Variants in EBI3 observed in about 807,000 individuals in gnomAD.
EBI3 encodes Epstein-Barr virus induced 3.
A neutral mutation model predicts 21.3 loss-of-function variants in EBI3; 19 were observed. The ratio of observed to expected loss-of-function variants is 0.89; its 90% CI spans 0.62 to 1.31. The LOEUF (loss-of-function observed/expected upper bound fraction) is 1.31, where lower values mean the gene tolerates loss of function less well. Among genes scored for constraint, EBI3 ranks in the 50% most tolerant of loss-of-function variants. The pLI, the probability that EBI3 is intolerant of heterozygous loss-of-function variation, is 0.00. For synonymous variants in EBI3, 154 were observed against 131.2 expected (o/e 1.17, Z -1.19); for missense variants, 331 against 314.0 (o/e 1.05, Z -0.41).
At chr19:4,232,156 G>T (rs549495370) in intron 2 of EBI3, among the ~76,000 whole-genome samples, 44 of 139,894 alleles carry the variant, frequency 3.1e-4, no homozygotes, top group African/African-American at 1.2e-3. Context: ...CCCAGGAGGT[G>T]GACGTTGCAG....
chr19:4,229,837 G>A (rs1455146862), intron 1 of EBI3, among the ~76,000 whole-genome samples: 1 of 152,184 alleles, frequency 6.6e-6, no homozygotes, highest in Non-Finnish European at 1.5e-5. Flanking sequence ...GGGACTGGCA[G>A]TCACAGCTCA....
chr19:4,233,310 G>GAGTGGGGGCGGC lies in EBI3; in HGVS notation c.379+15_379+26dup. 2 of 1,566,124 alleles carry GAGTGGGGGCGGC rather than the reference G, an allele frequency of 1.3e-6. No homozygotes were observed. Among genetic ancestry groups the GAGTGGGGGCGGC allele is most frequent in the South Asian group, 1.1e-5 (1 of 88,554 alleles). Reference sequence around the variant, plus strand: ...GCCTTTCATAACAGAGCACATCAGTGAGTGGGGGCGGCAGTGGGGGCGGGG... The same window carrying GAGTGGGGGCGGC: ...GCCTTTCATAACAGAGCACATCAGTGAGTGGGGGCGGCAGTGGGGGCGGCAGTGGGGGCGGGG... On this transcript the variant is annotated splice_donor_region_variant and intron_variant, in intron 3 of 4. Transcript: ENST00000221847.
intron 2 of EBI3, among the ~76,000 whole-genome samples, chr19:4,232,222 CAAAAA>C (rs71166979): frequency 6.7e-4 from 39 of 57,822 alleles, no homozygotes; most frequent in African/African-American, 3.0e-3. Flanking sequence ...GACCCCGTCT[CAAAAA>C]AAAAAAAAAA....
chr19:4,229,625 G>A lies in EBI3; in HGVS notation c.67+8G>A, dbSNP rs987161124. ...CCTGCAGTGGAAGGAAAGGTATGTG[G>A]GGCCCCTGGGGGACTGGGGGGCCCA... On this transcript the variant is annotated splice_region_variant and intron_variant, in intron 1 of 4. Coordinates refer to ENST00000221847, the MANE Select transcript of EBI3 (RefSeq NM_005755.3). 4.2e-5 allele frequency: 67 copies of A among 1,601,664 alleles called. No homozygotes were observed. Among genetic ancestry groups the A allele is most frequent in the Non-Finnish European group, 4.9e-5 (57 of 1,174,762 alleles).
chr19:4,234,562 C>CA, intron 3 of EBI3, 105 bp from the exon 4 acceptor site: 1 of 1,500,914 alleles, frequency 6.7e-7, no homozygotes, highest in Non-Finnish European at 8.9e-7. Flanking sequence ...GACTCCGTTT[C>CA]AAAACAAACA....
intron 4 of EBI3, 56 bp from the exon 5 acceptor site, chr19:4,236,880 C>T: frequency 6.9e-7 from 1 of 1,456,690 alleles, no homozygotes. Context: ...GTTCTGTGCA[C>T]AGTGGCCCCT....
Position 4,236,814 on chromosome 19 carries a change from A to G in EBI3, c.538-122A>G, listed in dbSNP as rs941999938. On this transcript the variant is annotated intron_variant, in intron 4 of 4. Coordinates refer to ENST00000221847, the MANE Select transcript of EBI3 (RefSeq NM_005755.3). Reference sequence around the variant, plus strand: ...GGGGTGGGGCCGCACAGCTGGGGCCAGAGTCCTGGACTGGAGCCTGCAGGG... The same window carrying G: ...GGGGTGGGGCCGCACAGCTGGGGCCGGAGTCCTGGACTGGAGCCTGCAGGG... 5.9e-6 allele frequency: 7 copies of G among 1,190,222 alleles called. No individual in the cohort carries two copies. The Admixed American group carries it at 1.2e-4, about 20-fold the overall frequency. 73.7% of individuals were successfully genotyped at this position (1,190,222 alleles called of 1,614,324 possible).
At chr19:4,231,368 G>T in intron 2 of EBI3, 45 bp downstream of exon 2, 1 of 1,563,262 alleles carries the variant, frequency 6.4e-7, no homozygotes. Context: ...GGACTTCCTG[G>T]AGAGCCCAGA....
intron 1 of EBI3, among the ~76,000 whole-genome samples, chr19:4,230,442 C>T (rs564722747): frequency 2.9e-4 from 44 of 151,988 alleles, no homozygotes; most frequent in African/African-American, 1.0e-3. Flanking sequence ...TGTGGTGGCA[C>T]GTGCCTGTAG....
intron 3 of EBI3, 121 bp from the exon 4 acceptor site, chr19:4,234,544 CAG>C: frequency 6.9e-7 from 1 of 1,450,124 alleles, no homozygotes; most frequent in South Asian, 1.4e-5. Context: ...GCCTGGGTGA[CAG>C]AGTGAGACTC....
chr19:4,231,479 T>A (rs1970782276), intron 2 of EBI3, among the ~76,000 whole-genome samples, 156 bp downstream of exon 2: 1 of 152,256 alleles, frequency 6.6e-6, no homozygotes, highest in South Asian at 2.1e-4. Flanking sequence ...AATAGAAATA[T>A]ACTTTCTGGG....
chr19:4,234,312 T>C (rs1405441064), intron 3 of EBI3, among the ~76,000 whole-genome samples: 1 of 152,158 alleles, frequency 6.6e-6, no homozygotes, highest in Non-Finnish European at 1.5e-5. Flanking sequence ...TTTCCTGTCT[T>C]CCCCCTGATG....
intron 2 of EBI3, 37 bp from the exon 3 acceptor site, chr19:4,233,092 A>G (rs1248824828): frequency 6.7e-7 from 1 of 1,501,768 alleles, no homozygotes; most frequent in Admixed American, 2.1e-5. Context: ...GGCCACAGGC[A>G]CTCCCTGAGG....
chr19:4,233,292 A>C lies in EBI3; in HGVS notation c.364A>C (p.Ile122Leu), dbSNP rs748587004. 1.2e-6 allele frequency: 2 copies of C among 1,608,952 alleles called. No individual in the cohort carries two copies. The highest frequency in any genetic ancestry group is 1.7e-6 in the Non-Finnish European group (2 of 1,178,382). The change falls in exon 3 of 5, where the codon ATA becomes CTA. Residue 122 changes from isoleucine to leucine, a missense_variant. Ile to Leu is a conservative substitution (Grantham distance 5, BLOSUM62 2). Transcript: ENST00000221847. ...CTCCAGCAGCAGCTTCGTGCCTTTC[A>C]TAACAGAGCACATCAGTGAGTGGGG... is the stretch of plus-strand genomic sequence containing the variant. ...WGSSSSFVPF[I>L]TEHIIKPDPP...
chr19:4,236,395 G>A (rs1227317062), intron 4 of EBI3, among the ~76,000 whole-genome samples: 11 of 151,572 alleles, frequency 7.3e-5, no homozygotes, highest in Non-Finnish European at 1.0e-4. Flanking sequence ...GGTGGCGGGC[G>A]CCTGTAATCC....
intron 3 of EBI3, among the ~76,000 whole-genome samples, chr19:4,233,853 G>A (rs535834540): frequency 3.9e-5 from 6 of 152,196 alleles, no homozygotes; most frequent in Admixed American, 2.0e-4. Context: ...CACCTCCTTC[G>A]GGTCTCTGTG....
chr19:4,234,641 GAC>G, intron 3 of EBI3, 24 bp from the exon 4 acceptor site: 2 of 1,605,724 alleles, frequency 1.2e-6, no homozygotes, highest in Non-Finnish European at 1.7e-6. Flanking sequence ...ACTGTCCCCT[GAC>G]CCTGCTTCCT....
intron 4 of EBI3, among the ~76,000 whole-genome samples, chr19:4,236,518 C>CAAAAAAAGAAAAA (rs1970838836): frequency 3.3e-5 from 1 of 30,504 alleles, no homozygotes; most frequent in Non-Finnish European, 5.1e-5. Flanking sequence ...AAGACTGTCT[C>CAAAAAAAGAAAAA]AAAAAAAAAA....
In EBI3 at chr19:4,234,148, G is replaced by A. The variant is rs183126772; in HGVS notation, c.380-519G>A. Reference sequence around the variant, plus strand: ...TTGAACCCAGGAGGTGGAGGTTGCCGTGAGCTGAGATTGTGCCACTGCATT... The same window carrying A: ...TTGAACCCAGGAGGTGGAGGTTGCCATGAGCTGAGATTGTGCCACTGCATT... On this transcript the variant is annotated intron_variant, in intron 3 of 4. Coordinates refer to ENST00000221847, the MANE Select transcript of EBI3 (RefSeq NM_005755.3). Among the ~76,000 whole-genome samples the A allele has an allele frequency of 4.0e-3, 605 of 152,324 alleles. 7 individuals are homozygous for A. The highest frequency in any genetic ancestry group is 0.014 in the African/African-American group (579 of 41,586).
Sources: gnomAD v4.1 joint callset for allele counts (sites outside exome capture counted in the v4.1 genomes callset) on GRCh38, gnomAD v4.1.1 for gene constraint, MANE v1.5 for transcripts, NCBI Gene and HGNC (gene_info 2026-07-23, HGNC 2026-07-21) for gene names.